ARHGEF4: variants seen among roughly 807,000 people sequenced by gnomAD.
ARHGEF4 encodes the protein APC-stimulated guanine nucleotide exchange factor 1.
In ARHGEF4, 119 loss-of-function variants were observed where a neutral mutation model predicts 162.0. The observed-to-expected ratio is 0.73, with a 90% CI of 0.63 to 0.86. The LOEUF (loss-of-function observed/expected upper bound fraction) is 0.86, where lower values mean the gene tolerates loss of function less well. ARHGEF4 is among the 40% of genes least tolerant of loss of function. The pLI is 0.00. For missense variants in ARHGEF4, 2,488 were observed against 2,456.0 expected (o/e 1.01, Z -0.28); for synonymous variants, 1,014 against 979.9 (o/e 1.03, Z -0.65).
intron 4 of ARHGEF4, among the ~76,000 whole-genome samples, chr2:131,017,914 A>AT (rs1367842611): frequency 6.6e-6 from 1 of 152,114 alleles, no homozygotes; most frequent in Non-Finnish European, 1.5e-5. Context: ...TCTCAGCAGG[A>AT]TTTTTTTCTA....
chr2:130,976,950 T>C (rs1685763061), intron 4 of ARHGEF4, among the ~76,000 whole-genome samples: 3 of 151,800 alleles, frequency 2.0e-5, no homozygotes, highest in African/African-American at 7.3e-5. Flanking sequence ...GTGTGATGTA[T>C]GTGTGGTGTG....
chr2:130,954,920 T>C (rs1411315420), intron 4 of ARHGEF4, among the ~76,000 whole-genome samples: 1 of 152,186 alleles, frequency 6.6e-6, no homozygotes, highest in Non-Finnish European at 1.5e-5. Context: ...ACACATATGT[T>C]GGTGCACTTA....
intron 4 of ARHGEF4, among the ~76,000 whole-genome samples, chr2:130,985,010 C>T (rs1440586891): frequency 6.6e-6 from 1 of 152,096 alleles, no homozygotes; most frequent in East Asian, 1.9e-4. Context: ...AGTCAGGGTG[C>T]TCCCCCATCA....
chr2:130,908,644 C>G (rs778826333), intron 1 of ARHGEF4, among the ~76,000 whole-genome samples: 31 of 152,020 alleles, frequency 2.0e-4, no homozygotes, highest in Admixed American at 3.9e-4. Context: ...CCATTGCACT[C>G]CAGCCCAGGC....
chr2:130,995,727 G>A (rs965260016), intron 4 of ARHGEF4, among the ~76,000 whole-genome samples: 4 of 152,198 alleles, frequency 2.6e-5, no homozygotes, highest in Non-Finnish European at 4.4e-5. Flanking sequence ...GCTGAGCCAC[G>A]TCCTGCAGGG....
chr2:131,039,876 G>C (rs545651517), intron 6 of ARHGEF4, 140 bp from the exon 7 acceptor site: 42 of 1,429,332 alleles, frequency 2.9e-5, no homozygotes, highest in East Asian at 7.9e-5. Flanking sequence ...GTGGTGGGGG[G>C]AGCTGGCCGG....
chr2:131,043,576 G>C lies in ARHGEF4; in HGVS notation c.5150G>C (p.Cys1717Ser). 6.2e-7 allele frequency: 1 copy of C among 1,613,996 alleles called. No homozygotes were observed. ...CTCTTTGACCACCAGCTCATCTACT[G>C]TAAGAAGGTACCAGAGCTGCTCTGC... ...FFLFDHQLIY[C>S]KKDLLRRDVL... Residue 1717 changes from cysteine to serine, a missense_variant, in exon 11 of 14, where the codon TGT (cysteine) becomes TCT (serine). Cys to Ser is a moderately radical substitution (Grantham distance 112). This residue lies in a region of ARHGEF4 where 415 missense variants were observed against 512.4 expected (regional missense o/e 0.81). Transcript: ENST00000409359.
intron 1 of ARHGEF4, among the ~76,000 whole-genome samples, chr2:130,878,797 A>G (rs1021910696): frequency 2.6e-5 from 4 of 152,238 alleles, no homozygotes; most frequent in African/African-American, 4.8e-5. Flanking sequence ...TAAATGAAAT[A>G]TGGTCCCCAT....
chr2:130,911,094 G>A (rs1681152922), intron 1 of ARHGEF4, among the ~76,000 whole-genome samples: 1 of 152,160 alleles, frequency 6.6e-6, no homozygotes, highest in Admixed American at 6.5e-5. Flanking sequence ...GAAGGTTTCG[G>A]CCAACGTCGG....
At chr2:130,924,317 C>A (rs188651573) in intron 2 of ARHGEF4, among the ~76,000 whole-genome samples, 1 of 147,718 alleles carries the variant, frequency 6.8e-6, no homozygotes, top group Non-Finnish European at 1.5e-5. Context: ...CACACTGTCA[C>A]GGGCAGTGGC....
chr2:130,862,929 A>G (rs1682032430), intron 1 of ARHGEF4, among the ~76,000 whole-genome samples: 1 of 100,154 alleles, frequency 1.0e-5, no homozygotes, highest in Admixed American at 1.0e-4. Context: ...GAATATACAT[A>G]AACAGTCCTT....
chr2:131,020,054 C>T (rs868274081), intron 4 of ARHGEF4, among the ~76,000 whole-genome samples: 1 of 152,132 alleles, frequency 6.6e-6, no homozygotes, highest in East Asian at 1.9e-4. Context: ...ATTCTGTAGC[C>T]TTGCTGAATT....
At chr2:130,989,323 A>C (rs925934933) in intron 4 of ARHGEF4, among the ~76,000 whole-genome samples, 9 of 152,140 alleles carry the variant, frequency 5.9e-5, no homozygotes, top group Non-Finnish European at 1.0e-4. Context: ...AGTGTATATA[A>C]ATTTGAAGGT....
In ARHGEF4 at chr2:131,044,313, C is replaced by A. The variant is rs754761015; in HGVS notation, c.5172C>A (p.Arg1724=). Residue 1724 remains arginine (R), a synonymous_variant, in exon 12 of 14, where the codon CGC becomes CGA. Transcript: ENST00000409359. ...LIYCKKDLLR[R]DVLYYKGRLD... ...GCATCTGGCAGGACCTGCTCCGCCG[C>A]GACGTGTTGTACTACAAGGGCCGGC... 6 of 1,610,422 alleles carry A rather than the reference C, an allele frequency of 3.7e-6. No individual in the cohort carries two copies. The highest frequency in any genetic ancestry group is 5.1e-6 in the Non-Finnish European group (6 of 1,179,034).
chr2:130,950,777 G>A (rs749474917), intron 4 of ARHGEF4, among the ~76,000 whole-genome samples: 1 of 151,428 alleles, frequency 6.6e-6, no homozygotes, highest in Non-Finnish European at 1.5e-5. Context: ...AATCATGTAG[G>A]AACTGGTTTT....
At chr2:131,037,108 C>A (rs1261996226) in intron 5 of ARHGEF4, among the ~76,000 whole-genome samples, 2 of 152,196 alleles carry the variant, frequency 1.3e-5, no homozygotes, top group African/African-American at 2.4e-5. Flanking sequence ...GGCTCTGTGC[C>A]TGGGACCCCG....
chr2:130,856,413 T>C (rs1490285664), intron 1 of ARHGEF4, among the ~76,000 whole-genome samples: 2 of 152,140 alleles, frequency 1.3e-5, no homozygotes, highest in East Asian at 3.8e-4. Flanking sequence ...GAAGGTAGAA[T>C]AAAATAATTC....
At chr2:131,019,579 T>C (rs1357315301) in intron 4 of ARHGEF4, among the ~76,000 whole-genome samples, 1 of 152,152 alleles carries the variant, frequency 6.6e-6, no homozygotes, top group Non-Finnish European at 1.5e-5. Context: ...ATTCTACACA[T>C]CTTTGGCCTC....
intron 4 of ARHGEF4, among the ~76,000 whole-genome samples, chr2:130,965,370 A>C (rs6710779): frequency 1.3e-5 from 2 of 152,248 alleles, no homozygotes; most frequent in African/African-American, 2.4e-5. Context: ...TGAGCACTCC[A>C]TGACTCATCT....
Sources: gnomAD v4.1 joint callset for allele counts (sites outside exome capture counted in the v4.1 genomes callset) on GRCh38, gnomAD v4.1.1 for gene constraint, gnomAD v4.1.1 regional missense constraint, MANE v1.5 for transcripts, NCBI Gene and HGNC (gene_info 2026-07-23, HGNC 2026-07-21) for gene names.